Variants in MYO6 observed in about 807,000 individuals in gnomAD.
The protein encoded by MYO6 is myosin VI.
MYO6 carries 74 observed loss-of-function variants against 178.7 expected under a neutral mutation model. The ratio of observed to expected loss-of-function variants is 0.41; its 90% CI spans 0.34 to 0.50. MYO6 has a LOEUF of 0.50. MYO6 is among the 20% of genes least tolerant of loss of function. The pLI is 0.09. For synonymous variants in MYO6, 477 were observed against 504.6 expected, an observed-to-expected ratio of 0.95 and a Z score of 0.73; for missense variants, 1,330 against 1,547.4, an observed-to-expected ratio of 0.86 and a Z score of 2.36.
At chr6:75,829,700 A>G (rs1229807488) in intron 4 of MYO6, among the ~76,000 whole-genome samples, 1 of 152,170 alleles carries the variant, frequency 6.6e-6, no homozygotes, top group Non-Finnish European at 1.5e-5. Context: ...TCTTGATTAG[A>G]AATATATTTA....
chr6:75,769,642 C>T (rs1489633772), intron 1 of MYO6, among the ~76,000 whole-genome samples: 2 of 152,262 alleles, frequency 1.3e-5, no homozygotes, highest in Non-Finnish European at 2.9e-5. Flanking sequence ...TGGCTCATGC[C>T]TGTAATCCCA....
intron 3 of MYO6, among the ~76,000 whole-genome samples, chr6:75,823,055 C>CT (rs1443120442): frequency 2.6e-5 from 4 of 152,202 alleles, no homozygotes; most frequent in African/African-American, 9.6e-5. Flanking sequence ...CTTGAGTGTT[C>CT]TTTTGGTGTT....
chr6:75,843,016 T>C (rs1395748849), intron 9 of MYO6, among the ~76,000 whole-genome samples: 2 of 152,076 alleles, frequency 1.3e-5, no homozygotes, highest in African/African-American at 4.8e-5. Context: ...AGAGGAAGAG[T>C]AGGGGAACAG....
chr6:75,895,081 T>C (rs1779191299), intron 28 of MYO6, 150 bp from the exon 29 acceptor site: 1 of 646,916 alleles, frequency 1.5e-6, no homozygotes, highest in African/African-American at 1.8e-5. Flanking sequence ...CTTAAAAATA[T>C]ATTAAAATTC....
chr6:75,763,511 T>C (rs757780603), intron 1 of MYO6, among the ~76,000 whole-genome samples: 12 of 152,218 alleles, frequency 7.9e-5, no homozygotes, highest in Non-Finnish European at 1.8e-4. Flanking sequence ...GATATAAACA[T>C]GCCAAAATGA....
chr6:75,915,215 C>T lies in MYO6; in HGVS notation c.*203C>T, dbSNP rs1002994151. 22 of 596,466 alleles carry T rather than the reference C, an allele frequency of 3.7e-5. No individual in the cohort carries two copies. The highest frequency in any genetic ancestry group is 4.5e-4 in the Middle Eastern group (1 of 2,212). The allele number at this position is 596,466 out of a possible 1,614,324, so 36.9% of individuals were successfully genotyped here. On this transcript the variant is annotated 3_prime_UTR_variant, in exon 35 of 35. Transcript: ENST00000369977. The stretch of plus-strand genomic sequence containing the variant: ...ACCTAAACATTATTTTTCTGTATCC[C>T]GCTGTAATTCCCAAAACTCTCATTA...
chr6:75,892,033 T>C (rs981043713), intron 27 of MYO6, among the ~76,000 whole-genome samples: 1 of 152,202 alleles, frequency 6.6e-6, no homozygotes, highest in African/African-American at 2.4e-5. Context: ...TTTTAAAATA[T>C]CATATAACTT....
chr6:75,833,034 T>C, intron 6 of MYO6, 87 bp downstream of exon 6: 1 of 880,176 alleles, frequency 1.1e-6, no homozygotes, highest in Non-Finnish European at 1.9e-6. Context: ...TCACCCAGGG[T>C]GGAATGCAGT....
chr6:75,798,606 C>G (rs1293473022), intron 1 of MYO6, among the ~76,000 whole-genome samples: 1 of 152,122 alleles, frequency 6.6e-6, no homozygotes, highest in Non-Finnish European at 1.5e-5. Context: ...GACTAGGCAT[C>G]AAAGGAACAT....
rs1401594350 is a variant in MYO6 at position 75,832,869 on chromosome 6, T to G, written c.419T>G (p.Val140Gly). 1 of 1,613,834 alleles carries G rather than the reference T, an allele frequency of 6.2e-7. No individual in the cohort carries two copies. The highest frequency in any genetic ancestry group is 1.3e-5 in the African/African-American group (1 of 74,906). Residue 140 changes from valine to glycine, a missense_variant, in exon 6 of 35, where the codon GTG becomes GGG. Val to Gly is a moderately radical substitution (Grantham distance 109). Transcript: ENST00000369977. ...IADKAFRDMKVLKMSQSIIVS... is the reference protein window; with the variant it reads ...IADKAFRDMKGLKMSQSIIVS... ...GATAAAGCTTTTCGAGACATGAAGG[T>G]GCTCAAGATGAGTCAGTCTATCATT...
chr6:75,803,392 T>TG (rs1769684124), intron 1 of MYO6, among the ~76,000 whole-genome samples: 1 of 152,214 alleles, frequency 6.6e-6, no homozygotes, highest in Non-Finnish European at 1.5e-5. Context: ...AAGCATTGAT[T>TG]GCTACATTGG....
intron 1 of MYO6, among the ~76,000 whole-genome samples, chr6:75,808,181 A>G (rs2150137921): frequency 6.6e-6 from 1 of 152,368 alleles, no homozygotes; most frequent in East Asian, 1.9e-4. Flanking sequence ...AGGCTGCCGT[A>G]ATAAAATACC....
Position 75,780,250 on chromosome 6 carries a change from C to G in MYO6, c.-48+30827C>G, listed in dbSNP as rs1462191700. The stretch of plus-strand genomic sequence containing the variant: ...GAGGTCAGGAGTTCAAGACCGGCCT[C>G]GCCAACATGGCAAAACCCTGTCTCT... On this transcript the variant is annotated intron_variant, in intron 1 of 34. Transcript: ENST00000369977. Among the ~76,000 whole-genome samples, 4 of 152,090 alleles carry G rather than the reference C, an allele frequency of 2.6e-5. No individual in the cohort carries two copies. In the East Asian group the frequency reaches 7.7e-4, roughly 29 times the overall value.
At chr6:75,894,931 A>G (rs1779179779) in intron 28 of MYO6, 1 of 859,586 alleles carries the variant, frequency 1.2e-6, no homozygotes, top group Non-Finnish European at 1.7e-6. Flanking sequence ...GATGGTTTCA[A>G]ATTACCTAAA....
intron 1 of MYO6, among the ~76,000 whole-genome samples, chr6:75,759,375 C>T (rs541356880): frequency 2.6e-5 from 4 of 152,258 alleles, no homozygotes; most frequent in East Asian, 3.9e-4. Flanking sequence ...GTAAAGCGCT[C>T]AGGGATTAGA....
At position 75,828,686 on chromosome 6, in the gene MYO6, G is replaced by A. The variant is rs1280052; in HGVS notation, c.261+73G>A. 535,186 of 950,014 alleles carry A rather than the reference G, an allele frequency of 0.56. 155,294 individuals carry two copies. The highest frequency in any genetic ancestry group is 0.75 in the African/African-American group (46,332 of 61,980). 58.8% of individuals were successfully genotyped at this position (950,014 alleles called of 1,614,324 possible). On this transcript the variant is annotated intron_variant, in intron 4 of 34. Coordinates refer to ENST00000369977, the MANE Select transcript of MYO6 (RefSeq NM_004999.4). ...ATGTGGTACTCTTTGATTTTGTCACGCTTGAAATTGTCTAACAGAAAATCA... is the reference window on the plus strand; with the variant it reads ...ATGTGGTACTCTTTGATTTTGTCACACTTGAAATTGTCTAACAGAAAATCA...
At chr6:75,759,116 C>T (rs151107442) in intron 1 of MYO6, among the ~76,000 whole-genome samples, 2 of 152,188 alleles carry the variant, frequency 1.3e-5, no homozygotes, top group African/African-American at 4.8e-5. Context: ...CTGAGCCACC[C>T]GCCTCAGTCT....
chr6:75,776,761 C>T (rs547399514), intron 1 of MYO6, among the ~76,000 whole-genome samples: 81 of 152,126 alleles, frequency 5.3e-4, no homozygotes, highest in Non-Finnish European at 9.7e-4. Context: ...AATGCTCCCA[C>T]TTTGGCCTCC....
chr6:75,881,004 C>A (rs1434718848), intron 22 of MYO6, among the ~76,000 whole-genome samples: 3 of 152,198 alleles, frequency 2.0e-5, no homozygotes, highest in Non-Finnish European at 2.9e-5. Context: ...ATAATCCCAG[C>A]ACTTTGGGAG....
Sources: allele counts gnomAD v4.1 joint callset (sites outside exome capture counted in the v4.1 genomes callset), GRCh38; gene constraint gnomAD v4.1.1; transcripts MANE v1.5; gene names NCBI Gene and HGNC (gene_info 2026-07-23, HGNC 2026-07-21).